CCDC192: variants seen among roughly 807,000 people sequenced by gnomAD.
CCDC192 encodes the protein coiled-coil domain containing 192.
intron 2 of CCDC192, among the ~76,000 whole-genome samples, chr5:127,717,923 C>A (rs1751715788): frequency 7.4e-5 from 2 of 27,114 alleles, no homozygotes; most frequent in African/African-American, 1.4e-4. Flanking sequence ...CAATATAAAG[C>A]TAGACAAAAA....
intron 5 of CCDC192, among the ~76,000 whole-genome samples, chr5:127,814,953 T>C (rs1308922690): frequency 1.3e-5 from 2 of 152,202 alleles, no homozygotes; most frequent in African/African-American, 2.4e-5. Flanking sequence ...GATGGGTTTT[T>C]TTTATTTTTA....
At chr5:127,790,383 A>G (rs962176038) in intron 3 of CCDC192, among the ~76,000 whole-genome samples, 8 of 152,178 alleles carry the variant, frequency 5.3e-5, no homozygotes, top group Admixed American at 3.3e-4. Context: ...ATATTTTGAT[A>G]TATGTATACA....
chr5:127,790,991 T>A (rs114937102), intron 3 of CCDC192, among the ~76,000 whole-genome samples: 1 of 152,332 alleles, frequency 6.6e-6, no homozygotes, highest in South Asian at 2.1e-4. Flanking sequence ...CCAATTTCTA[T>A]ATATTGTAAT....
intron 1 of CCDC192, among the ~76,000 whole-genome samples, chr5:127,707,189 G>A (rs1277343336): frequency 5.3e-5 from 8 of 152,104 alleles, no homozygotes; most frequent in African/African-American, 1.2e-4. Context: ...TGAGAATATC[G>A]TTTTGCTGTA....
At chr5:127,759,632 G>C (rs1754800500) in intron 3 of CCDC192, among the ~76,000 whole-genome samples, 1 of 152,158 alleles carries the variant, frequency 6.6e-6, no homozygotes, top group Non-Finnish European at 1.5e-5. Context: ...AAGACAGTAG[G>C]TTCTCAAAAA....
rs1251136247 is a variant in CCDC192, at chr5:127,750,258, T to C, written c.115-4010T>C. ...TTTCTCTTGTGGGCATTTAGTGCTA[T>C]AAATTTCCCTCTACACACTGCTTTG... is the stretch of plus-strand genomic sequence containing the variant. On this transcript the variant is annotated intron_variant, in intron 2 of 6. Transcript: ENST00000514853. Among the ~76,000 whole-genome samples, 6 of 152,184 alleles carry C rather than the reference T, an allele frequency of 3.9e-5. 1 individual carries two copies. The highest frequency in any genetic ancestry group is 2.6e-4 in the Admixed American group (4 of 15,276).
At chr5:127,772,737 CT>C (rs1412961608) in intron 3 of CCDC192, among the ~76,000 whole-genome samples, 1 of 152,142 alleles carries the variant, frequency 6.6e-6, no homozygotes, top group African/African-American at 2.4e-5. Context: ...ACAAACATGA[CT>C]GATTTAGTTC....
At chr5:127,746,518 G>C (rs1319098750) in intron 2 of CCDC192, among the ~76,000 whole-genome samples, 1 of 151,902 alleles carries the variant, frequency 6.6e-6, no homozygotes, top group Non-Finnish European at 1.5e-5. Flanking sequence ...TTTAAAAATA[G>C]TTTGGCCTCA....
At chr5:127,911,572 T>G (rs765066604) in intron 6 of CCDC192, among the ~76,000 whole-genome samples, 17 of 152,110 alleles carry the variant, frequency 1.1e-4, no homozygotes, top group Non-Finnish European at 2.2e-4. Context: ...GATATAGATA[T>G]ACAAAGAGAC....
At chr5:127,709,254 T>C (rs1751184451) in intron 2 of CCDC192, among the ~76,000 whole-genome samples, 1 of 134,924 alleles carries the variant, frequency 7.4e-6, no homozygotes, top group African/African-American at 2.7e-5. Context: ...AGAGAAATGC[T>C]ACACACTTTT....
intron 5 of CCDC192, among the ~76,000 whole-genome samples, chr5:127,873,525 T>C (rs897676794): frequency 2.6e-5 from 4 of 152,248 alleles, no homozygotes; most frequent in African/African-American, 7.2e-5. Flanking sequence ...TGCAACTTGC[T>C]CTCATCAGCA....
At chr5:127,852,487 G>T (rs1750841887) in intron 5 of CCDC192, among the ~76,000 whole-genome samples, 1 of 152,102 alleles carries the variant, frequency 6.6e-6, no homozygotes, top group Non-Finnish European at 1.5e-5. Context: ...GGTCAGGATA[G>T]CCTTCAGAGC....
intron 2 of CCDC192, among the ~76,000 whole-genome samples, chr5:127,744,982 GTCAGAT>G (rs1403613746): frequency 6.6e-6 from 1 of 152,164 alleles, no homozygotes; most frequent in Non-Finnish European, 1.5e-5. Context: ...AATGTCCCAG[GTCAGAT>G]GCATGAAAAG....
chr5:127,897,130 AAAAT>A (rs1752915457), intron 6 of CCDC192, among the ~76,000 whole-genome samples: 1 of 152,208 alleles, frequency 6.6e-6, no homozygotes, highest in African/African-American at 2.4e-5. Flanking sequence ...CCAGACAAGC[AAAAT>A]AAATAGCTAC....
At chr5:127,774,112 T>A (rs915078863) in intron 3 of CCDC192, among the ~76,000 whole-genome samples, 2 of 152,166 alleles carry the variant, frequency 1.3e-5, no homozygotes, top group Non-Finnish European at 2.9e-5. Context: ...ATTGGGTGGT[T>A]TGTCTTTTTG....
chr5:127,753,656 C>G (rs1000068541), intron 2 of CCDC192, among the ~76,000 whole-genome samples: 1 of 148,740 alleles, frequency 6.7e-6, no homozygotes, highest in East Asian at 2.0e-4. Context: ...CCCTTGCACT[C>G]GGCCTGGGCA....
At chr5:127,935,252 A>G (rs545747478) in intron 6 of CCDC192, 40 of 152,310 alleles carry the variant, frequency 2.6e-4, no homozygotes, top group Non-Finnish European at 5.4e-4. Flanking sequence ...AGGTTCCCAA[A>G]CATAATTATT....
At chr5:127,940,948 G>T (rs1305509349) in intron 6 of CCDC192, 1 of 357,694 alleles carries the variant, frequency 2.8e-6, no homozygotes, top group African/African-American at 2.1e-5. Flanking sequence ...AAGGGCTGAT[G>T]CTGTACACTC....
intron 3 of CCDC192, among the ~76,000 whole-genome samples, chr5:127,793,136 A>G (rs555520859): frequency 6.5e-4 from 98 of 151,120 alleles, no homozygotes; most frequent in African/African-American, 2.4e-3. Context: ...TTCTGAATCT[A>G]AAAAAAAAGT....
Sources: allele counts gnomAD v4.1 joint callset (sites outside exome capture counted in the v4.1 genomes callset), GRCh38; gene constraint gnomAD v4.1.1; transcripts MANE v1.5; gene names NCBI Gene and HGNC (gene_info 2026-07-23, HGNC 2026-07-21).